Variants in CRACD observed in about 807,000 individuals in gnomAD.
CRACD encodes capping protein-inhibiting regulator of actin dynamics.
A neutral mutation model predicts 106.8 loss-of-function variants in CRACD; 56 were observed. That is an observed-to-expected ratio of 0.52 (90% confidence interval 0.42 to 0.66). The LOEUF is 0.66. CRACD is among the 30% of genes least tolerant of loss of function. CRACD has a pLI of 0.00. For synonymous variants in CRACD, 754 were observed against 670.8 expected (o/e 1.12, Z -1.92); for missense variants, 1,730 against 1,623.2 (o/e 1.07, Z -1.13).
chr4:56,315,676 G>A lies in CRACD; in HGVS notation c.2174G>A (p.Trp725Ter). 1 of 1,614,212 alleles carries A rather than the reference G, an allele frequency of 6.2e-7. No individual in the cohort carries two copies. Among genetic ancestry groups the A allele is most frequent in the Non-Finnish European group, 8.5e-7 (1 of 1,180,038 alleles). Reference sequence around the variant, plus strand: ...GCAAAGTTCTCTATTATGCCTGCCTGGCAGAAATTTTCCGATGGTGGCACG... The same window carrying A: ...GCAAAGTTCTCTATTATGCCTGCCTAGCAGAAATTTTCCGATGGTGGCACG... ...VNAKFSIMPA[W>*]QKFSDGGTET... is the part of the protein sequence containing the mutation. The change falls in exon 8 of 11, where the codon TGG becomes TAG. Residue 725 changes from tryptophan to a stop codon, truncating the protein, a stop_gained. Transcript: ENST00000682029. LOFTEE classifies it high-confidence loss of function. This position sits in a 1 kb window ranked among gnomAD's most constrained non-coding sequence, Gnocchi z 4.1.
At chr4:56,079,869 T>C (rs531506007) in intron 1 of CRACD, among the ~76,000 whole-genome samples, 1 of 152,330 alleles carries the variant, frequency 6.6e-6, no homozygotes, top group South Asian at 2.1e-4. Context: ...AGGTTTACCA[T>C]TGGGCCAGTT....
At chr4:56,261,067 G>A (rs1418974146) in intron 2 of CRACD, among the ~76,000 whole-genome samples, 4 of 152,194 alleles carry the variant, frequency 2.6e-5, no homozygotes, top group Middle Eastern at 3.2e-3. Flanking sequence ...AATACTATGT[G>A]TAGAACTGAC....
intron 1 of CRACD, among the ~76,000 whole-genome samples, chr4:56,175,599 C>T (rs1051900147): frequency 2.0e-5 from 3 of 152,144 alleles, no homozygotes; most frequent in African/African-American, 7.2e-5. Flanking sequence ...AGGGTACACA[C>T]ACAGGGTATC....
At chr4:56,064,059 G>A (rs11735331) in intron 1 of CRACD, among the ~76,000 whole-genome samples, 4,353 of 152,242 alleles carry the variant, frequency 0.029, 133 homozygotes, top group East Asian at 0.079. Flanking sequence ...GTGAAGTGGT[G>A]TCTCAGTTTG....
intron 1 of CRACD, among the ~76,000 whole-genome samples, chr4:56,151,459 T>A (rs530365399): frequency 1.1e-3 from 175 of 152,280 alleles, no homozygotes; most frequent in African/African-American, 3.8e-3. Flanking sequence ...ATAATGTTTT[T>A]TCTTGAGCCG....
rs1243406750 is a variant in CRACD at position 56,324,253 on chromosome 4, T to C, written c.3528T>C (p.Pro1176=). 12 of 1,613,406 alleles carry C rather than the reference T, an allele frequency of 7.4e-6. 1 individual carries two copies. The South Asian group carries it at 1.2e-4, about 16-fold the overall frequency. The change falls in exon 10 of 11, where the codon CCT becomes CCC. Residue 1176 remains proline (P), a synonymous_variant. Coordinates refer to ENST00000682029, the MANE Select transcript of CRACD (RefSeq NM_001393381.1). The part of the protein sequence containing the change: ...REQLKKANTL[P]TSVTVEISDS... ...AGCTGAAAAAGGCCAATACTCTTCC[T>C]ACGTCTGTGACAGGTAGAGAGCAGG... is the stretch of plus-strand genomic sequence containing the variant.
intron 1 of CRACD, among the ~76,000 whole-genome samples, chr4:56,157,247 C>T (rs1735792662): frequency 6.6e-6 from 1 of 152,160 alleles, no homozygotes; most frequent in Non-Finnish European, 1.5e-5. Flanking sequence ...GTGAGAGGAT[C>T]ACTTGAGGCC....
In CRACD at chr4:56,299,744, C is replaced by T. The variant is rs184060281; in HGVS notation, c.120+1395C>T. Among the ~76,000 whole-genome samples, 11 of 151,616 alleles carry T rather than the reference C, an allele frequency of 7.3e-5. No individual in the cohort carries two copies. The East Asian group carries it at 2.1e-3, about 30-fold the overall frequency. Reference sequence around the variant, plus strand: ...TTCTCTGAGGCTCTCCAGCTAGCTGCTTGGAGGGTCTCCAGGTTATGAACA... The same window carrying T: ...TTCTCTGAGGCTCTCCAGCTAGCTGTTTGGAGGGTCTCCAGGTTATGAACA... On this transcript the variant is annotated intron_variant, in intron 4 of 10. Coordinates refer to ENST00000682029, the MANE Select transcript of CRACD (RefSeq NM_001393381.1).
At chr4:56,164,931 T>C (rs1347026979) in intron 1 of CRACD, among the ~76,000 whole-genome samples, 1 of 152,214 alleles carries the variant, frequency 6.6e-6, no homozygotes, top group African/African-American at 2.4e-5. Flanking sequence ...ATTTGTTTCC[T>C]TTCAAAGACA....
In CRACD at chr4:56,287,279, T is replaced by A. The variant is rs548232314; in HGVS notation, c.-16-10935T>A. ...AGCAGGGACTGCAAATGTGCAGCAC[T>A]ATACTTGGCTAATTTTTTTTTTTTT... On this transcript the variant is annotated intron_variant, in intron 3 of 10. Coordinates refer to ENST00000682029, the MANE Select transcript of CRACD (RefSeq NM_001393381.1). Among the ~76,000 whole-genome samples the A allele has an allele frequency of 4.0e-5, 6 of 151,018 alleles. No homozygotes were observed. In the South Asian group the frequency reaches 1.3e-3, roughly 32 times the overall value.
Position 56,320,445 on chromosome 4 carries a change from A to G in CRACD, c.3188-2932A>G, listed in dbSNP as rs539313982. Among the ~76,000 whole-genome samples, 3 of 152,348 alleles carry G rather than the reference A, an allele frequency of 2.0e-5. No individual in the cohort carries two copies. In the South Asian group the frequency reaches 6.2e-4, roughly 32 times the overall value. ...CCTCAAATAGGTGATGCAATTGACT[A>G]TCTTTCAAAACCTTGACTGTAATAA... On this transcript the variant is annotated intron_variant, in intron 8 of 10. Transcript: ENST00000682029.
intron 2 of CRACD, among the ~76,000 whole-genome samples, chr4:56,260,729 A>G (rs1741646245): frequency 6.6e-6 from 1 of 152,216 alleles, no homozygotes; most frequent in Non-Finnish European, 1.5e-5. Flanking sequence ...GCCTTTGGAC[A>G]GCAGCTTCAG....
At chr4:56,094,280 C>T (rs1245041353) in intron 1 of CRACD, among the ~76,000 whole-genome samples, 1 of 152,094 alleles carries the variant, frequency 6.6e-6, no homozygotes, top group African/African-American at 2.4e-5. Flanking sequence ...CCTAAGTAGT[C>T]ATTATTTTAA....
chr4:56,286,818 A>C (rs1297962938), intron 3 of CRACD, among the ~76,000 whole-genome samples: 1 of 152,164 alleles, frequency 6.6e-6, no homozygotes, highest in African/African-American at 2.4e-5. Flanking sequence ...ACTTCCTCTC[A>C]AAAGGTCCGG....
chr4:56,271,116 A>G (rs2109644625), intron 2 of CRACD, among the ~76,000 whole-genome samples: 1 of 152,246 alleles, frequency 6.6e-6, no homozygotes, highest in Admixed American at 6.5e-5. Context: ...AAAAAAAAAA[A>G]AAAAAAAGTT....
chr4:56,210,300 G>T (rs913240097), intron 2 of CRACD, among the ~76,000 whole-genome samples: 1 of 152,156 alleles, frequency 6.6e-6, no homozygotes, highest in Non-Finnish European at 1.5e-5. Context: ...TGACTTGGGG[G>T]TTTGTGTACA....
rs1332016455 is a variant in CRACD, at chr4:56,238,722, A to G, written c.-188-33599A>G. ...CCTGAAACTGCTAAAGAAGGATGTT[A>G]TTACTCTTTTTCTGTCTTTGCCAAT... is the stretch of plus-strand genomic sequence containing the variant. On this transcript the variant is annotated intron_variant, in intron 2 of 10. Transcript: ENST00000682029. Among the ~76,000 whole-genome samples the G allele has an allele frequency of 3.9e-5, 6 of 152,170 alleles. No individual in the cohort carries two copies. In the East Asian group the frequency reaches 1.2e-3, roughly 29 times the overall value.
chr4:56,076,168 T>C (rs938402534), intron 1 of CRACD, among the ~76,000 whole-genome samples: 2 of 152,012 alleles, frequency 1.3e-5, no homozygotes, highest in African/African-American at 2.4e-5. Flanking sequence ...TAAGAGGAAA[T>C]TTGGACACAG....
chr4:56,281,417 AG>A (rs1160362661), intron 3 of CRACD, among the ~76,000 whole-genome samples: 1 of 152,024 alleles, frequency 6.6e-6, no homozygotes, highest in African/African-American at 2.4e-5. Context: ...GGGACTGCTG[AG>A]GTATAGCGAT....
Sources: gnomAD v4.1 joint callset for allele counts (sites outside exome capture counted in the v4.1 genomes callset) on GRCh38, gnomAD v4.1.1 for gene constraint, Gnocchi (gnomAD v3.1) non-coding constraint, MANE v1.5 for transcripts, NCBI Gene and HGNC (gene_info 2026-07-23, HGNC 2026-07-21) for gene names.